Variants in CDH8 observed in about 807,000 individuals in gnomAD.
The protein encoded by CDH8 is cadherin-8.
In CDH8, 17 loss-of-function variants were observed where a neutral mutation model predicts 68.1. That is an observed-to-expected ratio of 0.25 (90% CI 0.17 to 0.37). The LOEUF is 0.37. Among genes scored for constraint, CDH8 ranks in the 10% least tolerant of loss-of-function variants. CDH8 has a pLI of 1.00. For synonymous variants in CDH8, 372 were observed against 365.1 expected (o/e 1.02, Z -0.21); for missense variants, 763 against 999.3 (o/e 0.76, Z 3.19).
At chr16:61,782,582 C>A (rs1387560340) in intron 8 of CDH8, among the ~76,000 whole-genome samples, 6 of 151,776 alleles carry the variant, frequency 4.0e-5, no homozygotes, top group Admixed American at 3.3e-4. Context: ...TGGGTGGAGC[C>A]CACCACAGCT....
intron 2 of CDH8, among the ~76,000 whole-genome samples, chr16:61,926,034 C>CT (rs1964450961): frequency 6.6e-6 from 1 of 152,040 alleles, no homozygotes; most frequent in Non-Finnish European, 1.5e-5. Flanking sequence ...AAGGTTGTTT[C>CT]TTTTTTCTCA....
intron 7 of CDH8, among the ~76,000 whole-genome samples, chr16:61,808,445 A>G (rs970658725): frequency 6.6e-6 from 1 of 152,192 alleles, no homozygotes; most frequent in African/African-American, 2.4e-5. Context: ...TACCCACTGC[A>G]TCCTGCATTA....
At chr16:61,953,078 G>A (rs1449257658) in intron 2 of CDH8, among the ~76,000 whole-genome samples, 2 of 152,112 alleles carry the variant, frequency 1.3e-5, no homozygotes, top group Non-Finnish European at 2.9e-5. Context: ...TAATATAAAA[G>A]GATCCACTCT....
intron 4 of CDH8, among the ~76,000 whole-genome samples, chr16:61,842,019 C>T (rs1404920512): frequency 6.6e-6 from 1 of 150,902 alleles, no homozygotes; most frequent in Non-Finnish European, 1.5e-5. Flanking sequence ...TCCTGAGTAG[C>T]TGGGACTACA....
chr16:61,947,360 G>C (rs1046533371), intron 2 of CDH8, among the ~76,000 whole-genome samples: 1 of 152,148 alleles, frequency 6.6e-6, no homozygotes, highest in Non-Finnish European at 1.5e-5. Flanking sequence ...ACATATTTTT[G>C]TACCTATACC....
chr16:61,705,413 G>C (rs983405144), intron 10 of CDH8, among the ~76,000 whole-genome samples: 30 of 152,140 alleles, frequency 2.0e-4, no homozygotes, highest in African/African-American at 6.8e-4. Context: ...CCTGCAAAAT[G>C]GAATCATCAG....
At chr16:62,010,016 G>A (rs906016038) in intron 2 of CDH8, among the ~76,000 whole-genome samples, 2 of 152,082 alleles carry the variant, frequency 1.3e-5, no homozygotes, top group Non-Finnish European at 2.9e-5. Context: ...TGGTGTACTT[G>A]GTAGCAGCCC....
At chr16:61,814,175 T>G (rs1466882916) in intron 7 of CDH8, among the ~76,000 whole-genome samples, 1 of 152,174 alleles carries the variant, frequency 6.6e-6, no homozygotes, top group Non-Finnish European at 1.5e-5. Context: ...AAACTGAATC[T>G]CAGAGAATTC....
intron 2 of CDH8, among the ~76,000 whole-genome samples, chr16:61,962,858 GT>G (rs138092004): frequency 1.3e-5 from 2 of 151,582 alleles, no homozygotes; most frequent in East Asian, 1.9e-4. Flanking sequence ...TAACACTTCT[GT>G]TTTTTTTCTT....
chr16:61,885,000 G>T (rs1359645188), intron 3 of CDH8, among the ~76,000 whole-genome samples: 4 of 152,272 alleles, frequency 2.6e-5, no homozygotes, highest in African/African-American at 9.6e-5. Flanking sequence ...GGATGGTAGA[G>T]AGGATCAACA....
chr16:61,681,053 G>A (rs1964003573), intron 10 of CDH8, among the ~76,000 whole-genome samples: 1 of 151,816 alleles, frequency 6.6e-6, no homozygotes, highest in African/African-American at 2.4e-5. Flanking sequence ...GGGAGAAATT[G>A]GATCACTCTT....
chr16:61,833,147 G>A (rs1389840546), intron 4 of CDH8, among the ~76,000 whole-genome samples: 2 of 150,906 alleles, frequency 1.3e-5, no homozygotes, highest in South Asian at 2.1e-4. Context: ...ATTATTGTTC[G>A]GTATTATTAC....
intron 10 of CDH8, among the ~76,000 whole-genome samples, chr16:61,658,395 T>A (rs903341878): frequency 6.6e-6 from 1 of 151,952 alleles, no homozygotes; most frequent in Non-Finnish European, 1.5e-5. Flanking sequence ...AGACTTATTT[T>A]AAAAATTCTT....
Position 61,784,034 on chromosome 16 carries a change from A to T in CDH8, c.1414+5312T>A, listed in dbSNP as rs574850746. Among the ~76,000 whole-genome samples the T allele has an allele frequency of 1.6e-4, 24 of 152,150 alleles. No homozygotes were observed. In the South Asian group the frequency reaches 4.2e-3, roughly 26 times the overall value. On this transcript the variant is annotated intron_variant, in intron 8 of 11. Transcript: ENST00000577390. ...TAGGAAGAAACTGCATCAACTAACG[A>T]GCAAAATCACCAGCTAACATCATAA... is the stretch of plus-strand genomic sequence containing the variant.
chr16:61,715,309 G>T (rs941897291), intron 9 of CDH8, among the ~76,000 whole-genome samples: 6 of 151,572 alleles, frequency 4.0e-5, no homozygotes, highest in Non-Finnish European at 8.9e-5. Context: ...GTCATCAAGA[G>T]AAAGGACTCT....
chr16:61,760,538 C>T (rs940967644), intron 8 of CDH8, among the ~76,000 whole-genome samples: 1 of 151,852 alleles, frequency 6.6e-6, no homozygotes, highest in Non-Finnish European at 1.5e-5. Context: ...GTCTCGAGCC[C>T]GTGACCTTAA....
intron 2 of CDH8, among the ~76,000 whole-genome samples, chr16:62,009,833 G>A (rs368344733): frequency 6.6e-6 from 1 of 152,194 alleles, no homozygotes; most frequent in African/African-American, 2.4e-5. Flanking sequence ...TTTAAAGCAT[G>A]TAGCAAGATG....
At chr16:61,804,699 A>C (rs1386753830) in intron 7 of CDH8, among the ~76,000 whole-genome samples, 1 of 150,164 alleles carries the variant, frequency 6.7e-6, no homozygotes, top group Non-Finnish European at 1.5e-5. Flanking sequence ...ACCTCTGCGC[A>C]AATAAACTAG....
intron 2 of CDH8, among the ~76,000 whole-genome samples, chr16:61,922,486 G>GT (rs1597068265): frequency 1.3e-5 from 2 of 152,034 alleles, no homozygotes; most frequent in African/African-American, 4.8e-5. Context: ...ACCTGAGACA[G>GT]TATTTTATAT....
Sources: allele counts gnomAD v4.1 joint callset (sites outside exome capture counted in the v4.1 genomes callset), GRCh38; gene constraint gnomAD v4.1.1; transcripts MANE v1.5; gene names NCBI Gene and HGNC (gene_info 2026-07-23, HGNC 2026-07-21).